ANXA7: variants seen among roughly 807,000 people sequenced by gnomAD.
ANXA7 encodes annexin A7.
Under a neutral mutation model 64.9 loss-of-function variants are expected in ANXA7, and 55 were observed. The observed-to-expected ratio is 0.85, with a 90% CI of 0.68 to 1.06. The LOEUF (loss-of-function observed/expected upper bound fraction) is 1.06, where lower values mean the gene tolerates loss of function less well. Among genes scored for constraint, ANXA7 ranks in the 50% least tolerant of loss-of-function variants. ANXA7 has a pLI of 0.00. For synonymous variants in ANXA7, 200 were observed against 192.4 expected (o/e 1.04, Z -0.33); for missense variants, 548 against 582.1 (o/e 0.94, Z 0.60).
chr10:73,383,839 A>C, intron 7 of ANXA7, 149 bp from the exon 8 acceptor site: 1 of 631,426 alleles, frequency 1.6e-6, no homozygotes, highest in Non-Finnish European at 2.8e-6. Flanking sequence ...AAGTAAATAA[A>C]GGCCAGGCGC....
chr10:73,398,050 C>T, intron 3 of ANXA7, 131 bp downstream of exon 3: 3 of 847,748 alleles, frequency 3.5e-6, no homozygotes, highest in Non-Finnish European at 5.2e-6. Flanking sequence ...CCAGCTAGGT[C>T]CTTACTACCT....
Position 73,388,293 on chromosome 10 carries a change from A to T in ANXA7, c.538+19T>A. ...ATTACTTTAACTTATTAAAAAAGACAAAAATTTGTTTTCCTTACCAAAACC... is the reference window on the plus strand; with the variant it reads ...ATTACTTTAACTTATTAAAAAAGACTAAAATTTGTTTTCCTTACCAAAACC... On this transcript the variant is annotated intron_variant, in intron 6 of 12. Transcript: ENST00000372921. 1 of 1,587,048 alleles carries T rather than the reference A, an allele frequency of 6.3e-7. No individual in the cohort carries two copies. Among genetic ancestry groups the T allele is most frequent in the Non-Finnish European group, 8.7e-7 (1 of 1,155,794 alleles).
intron 12 of ANXA7, among the ~76,000 whole-genome samples, chr10:73,378,270 C>T (rs190015078): frequency 1.0e-3 from 153 of 150,714 alleles, no homozygotes; most frequent in Non-Finnish European, 1.4e-3. Flanking sequence ...CCCAGCTACT[C>T]GAGAGGCTGA....
intron 7 of ANXA7, among the ~76,000 whole-genome samples, chr10:73,385,128 C>T (rs756934700): frequency 3.3e-5 from 5 of 152,146 alleles, no homozygotes; most frequent in East Asian, 3.8e-4. Flanking sequence ...ATAAGACAAC[C>T]GGTTTTGCTA....
chr10:73,386,002 C>T (rs1215962173), intron 7 of ANXA7, among the ~76,000 whole-genome samples: 1 of 151,932 alleles, frequency 6.6e-6, no homozygotes, highest in African/African-American at 2.4e-5. Context: ...TCACATGAGG[C>T]CAAGAGTTTG....
intron 5 of ANXA7, among the ~76,000 whole-genome samples, chr10:73,390,938 G>C (rs941963040): frequency 7.3e-5 from 11 of 151,466 alleles, no homozygotes; most frequent in Admixed American, 4.0e-4. Context: ...TCGGGAGGTC[G>C]AGGCAGGTGG....
chr10:73,387,664 C>T lies in ANXA7; in HGVS notation c.633+25G>A, dbSNP rs767173238. 22 of 1,560,838 alleles carry T rather than the reference C, an allele frequency of 1.4e-5. No homozygotes were observed. In the East Asian group the frequency reaches 2.2e-4, roughly 16 times the overall value. On this transcript the variant is annotated intron_variant, in intron 7 of 12. Transcript: ENST00000372921. ...CAGAGTCTACCAGCCACTGCTGGTG[C>T]TCATTCCAGGAAAGAAAAACATACC...
At chr10:73,398,410 A>T in intron 2 of ANXA7, 25 bp from the exon 3 acceptor site, 17 of 1,586,518 alleles carry the variant, frequency 1.1e-5, no homozygotes, top group Non-Finnish European at 1.4e-5. Context: ...TAATTTTTAA[A>T]CAAATACGAT....
At chr10:73,387,855 T>C in intron 6 of ANXA7, 72 bp from the exon 7 acceptor site, 1 of 1,241,744 alleles carries the variant, frequency 8.1e-7, no homozygotes, top group Non-Finnish European at 1.1e-6. Context: ...TCTTTTTTTT[T>C]TTTTTTTTTT....
chr10:73,406,874 A>C (rs1330679769), intron 1 of ANXA7, among the ~76,000 whole-genome samples: 3 of 151,810 alleles, frequency 2.0e-5, no homozygotes, highest in Non-Finnish European at 2.9e-5. Flanking sequence ...CCCACCCTCT[A>C]TTTATCTATT....
chr10:73,384,411 AT>A (rs533378083), intron 7 of ANXA7, among the ~76,000 whole-genome samples: 441 of 151,698 alleles, frequency 2.9e-3, no homozygotes, highest in African/African-American at 9.5e-3. Flanking sequence ...TTTTGTTGTT[AT>A]TTTTTTTGAG....
chr10:73,402,482 C>A (rs139719680), intron 1 of ANXA7, among the ~76,000 whole-genome samples: 52 of 152,154 alleles, frequency 3.4e-4, no homozygotes, highest in African/African-American at 1.3e-3. Context: ...GATTACAGGC[C>A]TAGCCTCAAA....
intron 2 of ANXA7, among the ~76,000 whole-genome samples, chr10:73,399,597 C>A (rs558270667): frequency 1.3e-5 from 2 of 152,008 alleles, no homozygotes; most frequent in African/African-American, 4.8e-5. Context: ...CCGAGGTGGG[C>A]GGATCACGAG....
chr10:73,383,868 T>A (rs1323020522), intron 7 of ANXA7, among the ~76,000 whole-genome samples, 178 bp from the exon 8 acceptor site: 1 of 152,176 alleles, frequency 6.6e-6, no homozygotes, highest in Non-Finnish European at 1.5e-5. Context: ...ATGCCTGTAA[T>A]CCCAGCACTT....
chr10:73,394,648 G>A (rs1013054079), intron 5 of ANXA7, among the ~76,000 whole-genome samples: 1 of 152,140 alleles, frequency 6.6e-6, no homozygotes, highest in African/African-American at 2.4e-5. Flanking sequence ...CTCATAGGTG[G>A]GAACTGAACA....
rs1051997630 is a variant in ANXA7, at chr10:73,376,286, AAAT to A, written c.1279-72_1279-70del. 1.4e-5 allele frequency: 20 copies of A among 1,412,500 alleles called. No homozygotes were observed. In the African/African-American group the frequency reaches 2.8e-4, roughly 20 times the overall value. 87.5% of individuals were successfully genotyped at this position (1,412,500 alleles called of 1,614,324 possible). On this transcript the variant is annotated intron_variant, in intron 12 of 12. Coordinates refer to ENST00000372921, the MANE Select transcript of ANXA7 (RefSeq NM_001156.5). Reference sequence around the variant, plus strand: ...ACTGACATTTCTTAAAATTCTTTTTAAATAATAAGATCTTAATAATAATCAAAA... The same window carrying A: ...ACTGACATTTCTTAAAATTCTTTTTAAATAAGATCTTAATAATAATCAAAA...
intron 12 of ANXA7, among the ~76,000 whole-genome samples, chr10:73,377,931 G>GTGTGTGCA (rs2055210255): frequency 8.1e-6 from 1 of 123,156 alleles, no homozygotes; most frequent in South Asian, 3.4e-4. Context: ...GTGTGTGTGT[G>GTGTGTGCA]CGCGCGCGTG....
In ANXA7 at chr10:73,397,269, G is replaced by A. The variant is rs1483691364; in HGVS notation, c.265C>T (p.Pro89Ser). Reference sequence around the variant, plus strand: ...GGTGGGACTCCAAATCCTTGGCCTGGAGGAACTAGAGAAAAGAACATGTCA... The same window carrying A: ...GGTGGGACTCCAAATCCTTGGCCTGAAGGAACTAGAGAAAAGAACATGTCA... ...GGAPSYPGVP[P>S]GQGFGVPPGG... Residue 89 changes from proline (P) to serine (S), a missense_variant, in exon 4 of 13, where the codon CCA becomes TCA. Transcript: ENST00000372921. 6.2e-7 allele frequency: 1 copy of A among 1,605,920 alleles called. No homozygotes were observed. Among genetic ancestry groups the A allele is most frequent in the Admixed American group, 1.7e-5 (1 of 59,566 alleles).
At chr10:73,380,697 G>A (rs75377093) in intron 9 of ANXA7, among the ~76,000 whole-genome samples, 3,048 of 152,126 alleles carry the variant, frequency 0.02, 96 homozygotes, top group African/African-American at 0.07. Flanking sequence ...ATAAGATCAC[G>A]GTTTAATGAG....
Sources: allele counts gnomAD v4.1 joint callset (sites outside exome capture counted in the v4.1 genomes callset), GRCh38; gene constraint gnomAD v4.1.1; transcripts MANE v1.5; gene names NCBI Gene and HGNC (gene_info 2026-07-23, HGNC 2026-07-21).